SLC25A48: variants seen among roughly 807,000 people sequenced by gnomAD.
The protein encoded by SLC25A48 is CTC-321K16.1.
SLC25A48 carries 29 observed loss-of-function variants against 32.2 expected under a neutral mutation model. The ratio of observed to expected loss-of-function variants is 0.90; its 90% CI spans 0.67 to 1.23. The LOEUF (loss-of-function observed/expected upper bound fraction) is 1.23. Ranked by LOEUF, SLC25A48 falls within the 50% of genes most tolerant of loss-of-function variation. SLC25A48 has a pLI of 0.00. For synonymous variants in SLC25A48, 164 were observed against 172.3 expected (o/e 0.95, Z 0.38); for missense variants, 399 against 422.7 (o/e 0.94, Z 0.49).
chr5:135,644,946 G>C (rs1171454435), intron 3 of SLC25A48, among the ~76,000 whole-genome samples: 1 of 151,818 alleles, frequency 6.6e-6, no homozygotes, highest in Non-Finnish European at 1.5e-5. Context: ...TCTGAAGAGA[G>C]AACTCCAGTT....
intron 3 of SLC25A48, among the ~76,000 whole-genome samples, chr5:135,646,266 T>A (rs369047371): frequency 6.7e-6 from 1 of 148,214 alleles, no homozygotes; most frequent in African/African-American, 2.5e-5. Flanking sequence ...TCCGGCCGGC[T>A]TGGCTCTGGA....
At chr5:135,678,304 T>C (rs1053957273) in intron 3 of SLC25A48, among the ~76,000 whole-genome samples, 14 of 152,196 alleles carry the variant, frequency 9.2e-5, no homozygotes, top group African/African-American at 2.7e-4. Context: ...ATTAATCTAG[T>C]CTATTGTTGA....
At chr5:135,830,229 C>A (rs1331618965), upstream of SLC25A48, among the ~76,000 whole-genome samples, 1 of 152,202 alleles carries the variant, frequency 6.6e-6, no homozygotes, top group East Asian at 1.9e-4. Context: ...GAATGAGCAG[C>A]CACGCTTGTC....
chr5:135,726,177 T>C (rs1482355342), intron 3 of SLC25A48, among the ~76,000 whole-genome samples: 1 of 152,250 alleles, frequency 6.6e-6, no homozygotes, highest in African/African-American at 2.4e-5. Flanking sequence ...CCCAGCAGTG[T>C]AGCAGCAGGG....
chr5:135,854,713 T>G (rs1455030905), intron 4 of SLC25A48, among the ~76,000 whole-genome samples: 1 of 152,242 alleles, frequency 6.6e-6, no homozygotes, highest in African/African-American at 2.4e-5. Flanking sequence ...TTCACTATCT[T>G]ATTATTTGTG....
intron 4 of SLC25A48, among the ~76,000 whole-genome samples, chr5:135,866,167 A>C (rs954366846): frequency 6.6e-6 from 1 of 152,108 alleles, no homozygotes; most frequent in Admixed American, 6.5e-5. Flanking sequence ...GCCTCTTGAG[A>C]AATTATGCTG....
At chr5:135,666,657 C>CAGAGAGAGAGAGAGAG (rs70976575) in intron 3 of SLC25A48, among the ~76,000 whole-genome samples, 3 of 149,966 alleles carry the variant, frequency 2.0e-5, no homozygotes, top group African/African-American at 7.4e-5. Context: ...TTCAGGGCAT[C>CAGAGAGAGAGAGAGAG]AGAGAGAGAG....
chr5:135,884,688 C>A (rs1387614593), intron 7 of SLC25A48, among the ~76,000 whole-genome samples: 3 of 152,100 alleles, frequency 2.0e-5, no homozygotes, highest in African/African-American at 7.2e-5. Context: ...CTGGGTAGAC[C>A]TGAAGTCTCT....
chr5:135,849,976 G>A (rs1405732680), intron 2 of SLC25A48, among the ~76,000 whole-genome samples: 1 of 152,192 alleles, frequency 6.6e-6, no homozygotes, highest in Non-Finnish European at 1.5e-5. Context: ...TGGAGGAAGT[G>A]AGGGAGAAGC....
intron 4 of SLC25A48, among the ~76,000 whole-genome samples, chr5:135,819,176 A>G (rs1282047102): frequency 6.6e-6 from 1 of 152,196 alleles, no homozygotes; most frequent in Non-Finnish European, 1.5e-5. Context: ...TTGACAAAAT[A>G]AAGATCTAAA....
At chr5:135,713,798 C>T (rs1216556908) in intron 3 of SLC25A48, among the ~76,000 whole-genome samples, 1 of 152,204 alleles carries the variant, frequency 6.6e-6, no homozygotes, top group Non-Finnish European at 1.5e-5. Flanking sequence ...CAGAGAATCC[C>T]ATGCACTTTG....
chr5:135,674,590 TCTTTCTGTGC>T (rs1305013025), intron 3 of SLC25A48, among the ~76,000 whole-genome samples: 1 of 151,950 alleles, frequency 6.6e-6, no homozygotes, highest in Non-Finnish European at 1.5e-5. Flanking sequence ...GTGCCTTTTG[TCTTTCTGTGC>T]CTTTCTGTGT....
At chr5:135,624,321 A>C (rs998236973) in intron 1 of SLC25A48, among the ~76,000 whole-genome samples, 1 of 152,200 alleles carries the variant, frequency 6.6e-6, no homozygotes, top group Non-Finnish European at 1.5e-5. Flanking sequence ...TGCAGGACCT[A>C]ATGGAGAGGC....
intron 6 of SLC25A48, among the ~76,000 whole-genome samples, chr5:135,879,080 C>T (rs1447394836): frequency 6.6e-6 from 1 of 152,136 alleles, no homozygotes; most frequent in Non-Finnish European, 1.5e-5. Context: ...GGAAGCATCA[C>T]ATAATACTCC....
At chr5:135,836,438 A>G (rs1580945841) in intron 1 of SLC25A48, among the ~76,000 whole-genome samples, 1 of 151,982 alleles carries the variant, frequency 6.6e-6, no homozygotes, top group East Asian at 1.9e-4. Context: ...GGTATAGTTT[A>G]AGTGCTATAT....
Position 135,677,211 on chromosome 5 carries a change from A to G in SLC25A48, c.-521+42255A>G, listed in dbSNP as rs80162587. Among the ~76,000 whole-genome samples the G allele has an allele frequency of 7.2e-3, 1,099 of 151,900 alleles. 16 individuals carry two copies. The highest frequency in any genetic ancestry group is 0.025 in the African/African-American group (1,056 of 41,470). ...GTTTCCTTTATCATGAACTTTTTCT[A>G]TTCTTTTGACTTAAACCTGTTTTAT... On this transcript the variant is annotated intron_variant, in intron 3 of 10. Transcript: ENST00000646290.
In SLC25A48 at chr5:135,888,359, CTCTG is replaced by C; in HGVS notation, c.*340_*343del. The C allele has an allele frequency of 2.7e-6, 1 of 363,686 alleles. No individual in the cohort carries two copies. Among genetic ancestry groups the C allele is most frequent in the Non-Finnish European group, 5.1e-6 (1 of 195,806 alleles). The allele number at this position is 363,686 out of a possible 1,614,324, so 22.5% of individuals were successfully genotyped here. On this transcript the variant is annotated 3_prime_UTR_variant, in exon 8 of 8. Transcript: ENST00000681962. ...CACCCAGAGAAACGTTGCTTCACTC[CTCTG>C]TCTGAGGATGGGGAGGGGCCAGTGA...
Position 135,874,113 on chromosome 5 carries a change from C to T in SLC25A48, c.772C>T (p.Leu258=). 1 of 1,508,694 alleles carries T rather than the reference C, an allele frequency of 6.6e-7. No homozygotes were observed. Among genetic ancestry groups the T allele is most frequent in the Non-Finnish European group, 8.8e-7 (1 of 1,136,908 alleles). 93.5% of individuals were successfully genotyped at this position (1,508,694 alleles called of 1,614,324 possible). ...TTATTTAAACAAATATAAAGGTGTC[C>T]TGGACTGTATCTCCCAGAGTTACCA... ...GVYLNKYKGV[L]DCISQSYQKE... The change falls in exon 6 of 8, where the codon CTG becomes TTG. Residue 258 remains leucine (L), a synonymous_variant. Coordinates refer to ENST00000681962, the MANE Select transcript of SLC25A48 (RefSeq NM_001349336.2).
At chr5:135,675,626 C>T (rs1253805704) in intron 3 of SLC25A48, among the ~76,000 whole-genome samples, 1 of 151,978 alleles carries the variant, frequency 6.6e-6, no homozygotes, top group Non-Finnish European at 1.5e-5. Flanking sequence ...ATTTTAAAGT[C>T]AGGTGATGTG....
Sources: gnomAD v4.1 joint callset for allele counts (sites outside exome capture counted in the v4.1 genomes callset) on GRCh38, gnomAD v4.1.1 for gene constraint, MANE v1.5 for transcripts, NCBI Gene and HGNC (gene_info 2026-07-23, HGNC 2026-07-21) for gene names.